The following MSI2 variants were observed in gnomAD, a reference collection of about 807,000 sequenced individuals.
MSI2 encodes the protein RNA-binding protein Musashi homolog 2.
Under a neutral mutation model 45.6 loss-of-function variants are expected in MSI2, and 17 were observed. That is an observed-to-expected ratio of 0.37 (90% CI 0.26 to 0.56). MSI2 has a LOEUF of 0.56. MSI2 is among the 20% of genes least tolerant of loss of function. MSI2 has a pLI of 0.77. For missense variants in MSI2, 293 were observed against 444.2 expected (o/e 0.66, Z 3.06); for synonymous variants, 156 against 158.2 (o/e 0.99, Z 0.11).
the MSI2 span, among the ~76,000 whole-genome samples, chr17:57,699,182 AGT>A: frequency 2.0e-4 from 5 of 25,086 alleles, 1 homozygote; most frequent in Non-Finnish European, 2.5e-4. Context: ...AGAGAGAGAG[AGT>A]GTGTGTGTGT....
intron 6 of MSI2, among the ~76,000 whole-genome samples, chr17:57,446,563 C>T (rs547905926): frequency 6.6e-6 from 1 of 152,268 alleles, no homozygotes; most frequent in African/African-American, 2.4e-5. Flanking sequence ...TTTAGGCACC[C>T]ACAGAAGTGC....
In MSI2 at chr17:57,680,202, T is replaced by C. The variant is rs2144765602; in HGVS notation, c.*685T>C. ...TAGCAGTTCTTTTTGTGATGTCTCT[T>C]TGTTAATCTGAGTCTATCTATTTTC... On this transcript the variant is annotated 3_prime_UTR_variant, in exon 14 of 14. Transcript: ENST00000284073. The C allele has an allele frequency of 4.4e-6, 1 of 229,268 alleles. No homozygotes were observed. The highest frequency in any genetic ancestry group is 1.8e-4 in the South Asian group (1 of 5,506). 14.2% of individuals were successfully genotyped at this position (229,268 alleles called of 1,614,324 possible). A position where few individuals can be genotyped will look rare whatever the true frequency, so the allele number is the denominator to read the frequency against.
chr17:57,572,391 G>A (rs1348474854), intron 7 of MSI2, among the ~76,000 whole-genome samples: 1 of 152,230 alleles, frequency 6.6e-6, no homozygotes, highest in African/African-American at 2.4e-5. Context: ...GGAATTTGCA[G>A]AGCCTCAGAG....
At chr17:57,679,006 C>T (rs759942504) in intron 13 of MSI2, among the ~76,000 whole-genome samples, 1 of 151,992 alleles carries the variant, frequency 6.6e-6, no homozygotes, top group Non-Finnish European at 1.5e-5. Context: ...TAACCAAAGC[C>T]GGTTATTTGT....
At chr17:57,476,806 G>A (rs945884537) in intron 6 of MSI2, among the ~76,000 whole-genome samples, 2 of 152,160 alleles carry the variant, frequency 1.3e-5, no homozygotes, top group Admixed American at 1.3e-4. Context: ...CAGAGGCTCC[G>A]TCATTTGTTG....
chr17:57,461,992 C>T (rs1199651773), intron 6 of MSI2, among the ~76,000 whole-genome samples: 2 of 152,192 alleles, frequency 1.3e-5, no homozygotes, highest in Non-Finnish European at 2.9e-5. Flanking sequence ...ACAGAAATGC[C>T]TTGTCCCACA....
At chr17:57,695,955 G>A in the MSI2 span, among the ~76,000 whole-genome samples, 2 of 152,098 alleles carry the variant, frequency 1.3e-5, no homozygotes, top group Non-Finnish European at 2.9e-5. Context: ...CCTTCTTATA[G>A]GAACACTAAT....
rs545755375 is a variant in MSI2, at chr17:57,509,438, G to C, written c.406-20238G>C. 1.1e-4 allele frequency among the ~76,000 whole-genome samples: 17 copies of C among 151,766 alleles called. 1 individual carries two copies. Among genetic ancestry groups the C allele is most frequent in the African/African-American group, 4.1e-4 (17 of 41,186 alleles). On this transcript the variant is annotated intron_variant, in intron 6 of 13. Transcript: ENST00000284073. ...TTGCTTTTTGTTTTGTTTTGTTTTT[G>C]AGACAGAGTTTCACTCTTGTCGCCC...
intron 6 of MSI2, among the ~76,000 whole-genome samples, chr17:57,427,395 C>G (rs909859647): frequency 3.2e-4 from 6 of 18,668 alleles, no homozygotes; most frequent in Admixed American, 1.7e-3. Context: ...AAGACTCTGT[C>G]TCCAAAAAAA....
At chr17:57,525,699 T>C (rs1385570866) in intron 6 of MSI2, among the ~76,000 whole-genome samples, 1 of 152,182 alleles carries the variant, frequency 6.6e-6, no homozygotes, top group Non-Finnish European at 1.5e-5. Flanking sequence ...AAGCTCCTTT[T>C]CCCAAAACAG....
At chr17:57,507,761 G>A (rs762578785) in intron 6 of MSI2, among the ~76,000 whole-genome samples, 9 of 152,048 alleles carry the variant, frequency 5.9e-5, no homozygotes, top group South Asian at 2.1e-4. Context: ...ACCATATGAC[G>A]TCCACTCCGG....
chr17:57,396,412 A>AG (rs1233041570), intron 5 of MSI2, among the ~76,000 whole-genome samples: 2 of 45,852 alleles, frequency 4.4e-5, no homozygotes, highest in Admixed American at 5.6e-4. Context: ...CAGCACACAC[A>AG]CCACACACAC....
chr17:57,639,662 G>T (rs1235710259), intron 10 of MSI2, among the ~76,000 whole-genome samples: 2 of 152,240 alleles, frequency 1.3e-5, no homozygotes, highest in Non-Finnish European at 2.9e-5. Context: ...AGGTCCTGCT[G>T]CCCCACCCTG....
chr17:57,679,110 T>C (rs185188043), intron 13 of MSI2, among the ~76,000 whole-genome samples: 44 of 152,376 alleles, frequency 2.9e-4, no homozygotes, highest in Non-Finnish European at 5.9e-5. Context: ...GGGTATCTAA[T>C]AAAGGCAAGT....
At position 57,507,178 on chromosome 17, in the gene MSI2, G is replaced by T. The variant is rs1018391820; in HGVS notation, c.406-22498G>T. Among the ~76,000 whole-genome samples the T allele has an allele frequency of 9.0e-3, 1,336 of 147,952 alleles. 61 individuals carry two copies. Among genetic ancestry groups the T allele is most frequent in the African/African-American group, 0.032 (1,246 of 39,312 alleles). On this transcript the variant is annotated intron_variant, in intron 6 of 13. Transcript: ENST00000284073. The stretch of plus-strand genomic sequence containing the variant: ...CTATCTGTTTCTCTGTGTGTGTTGG[G>T]GGGGGGGGGTGTAAATCTCTTCCCA...
intron 6 of MSI2, among the ~76,000 whole-genome samples, chr17:57,509,408 G>C (rs1356893213): frequency 6.6e-6 from 1 of 151,996 alleles, no homozygotes; most frequent in African/African-American, 2.4e-5. Context: ...CGTCATCTTG[G>C]TTGCTTGCTT....
chr17:57,488,234 TCTC>T (rs2085794069), intron 6 of MSI2, among the ~76,000 whole-genome samples: 1 of 151,968 alleles, frequency 6.6e-6, no homozygotes, highest in East Asian at 1.9e-4. Flanking sequence ...TCAGCTCCCT[TCTC>T]CTCGTCCCAG....
rs543349015 is a variant in MSI2 at position 57,575,154 on chromosome 17, C to CA, written c.455-21714_455-21713insA. ...CGCATTCTCTTTTTTAACTCCCTCC[C>CA]CCCGCCACCCCCCGGCTGGAGCAGA... On this transcript the variant is annotated intron_variant, in intron 7 of 13. Transcript: ENST00000284073. Among the ~76,000 whole-genome samples, 43 of 135,930 alleles carry CA rather than the reference C, an allele frequency of 3.2e-4. 1 individual carries two copies. Among genetic ancestry groups the CA allele is most frequent in the Admixed American group, 9.2e-4 (13 of 14,064 alleles). The allele number at this position is 135,930 out of a possible 152,430, so 89.2% of individuals were successfully genotyped here.
At chr17:57,562,489 C>G (rs540891100) in intron 7 of MSI2, among the ~76,000 whole-genome samples, 1 of 152,206 alleles carries the variant, frequency 6.6e-6, no homozygotes, top group African/African-American at 2.4e-5. Context: ...TGCAGAGCTG[C>G]GTAACACAGC....
Sources: allele counts gnomAD v4.1 joint callset (sites outside exome capture counted in the v4.1 genomes callset), GRCh38; gene constraint gnomAD v4.1.1; transcripts MANE v1.5; gene names NCBI Gene and HGNC (gene_info 2026-07-23, HGNC 2026-07-21).